The following PAPOLA variants were observed in gnomAD, a reference collection of about 807,000 sequenced individuals.
The protein encoded by PAPOLA is poly(A) polymerase alpha, also known as polynucleotide adenylyltransferase alpha.
A neutral mutation model predicts 100.6 loss-of-function variants in PAPOLA; 15 were observed. The ratio of observed to expected loss-of-function variants is 0.15; its 90% CI spans 0.10 to 0.23. PAPOLA has a LOEUF of 0.23. Ranked by LOEUF, PAPOLA falls within the 10% of genes least tolerant of loss-of-function variation. PAPOLA has a pLI of 1.00. For missense variants in PAPOLA, 533 were observed against 884.2 expected (o/e 0.60, Z 5.04); for synonymous variants, 293 against 300.0 (o/e 0.98, Z 0.24).
At chr14:96,519,192 T>G (rs1897735472) in intron 1 of PAPOLA, among the ~76,000 whole-genome samples, 1 of 151,690 alleles carries the variant, frequency 6.6e-6, no homozygotes, top group Admixed American at 6.6e-5. Flanking sequence ...CCTCCTGAAG[T>G]GCTGGGATTA....
chr14:96,536,624 C>A (rs1899555842), intron 11 of PAPOLA, among the ~76,000 whole-genome samples: 1 of 151,928 alleles, frequency 6.6e-6, no homozygotes, highest in Admixed American at 6.6e-5. Context: ...ATGCCTCTAT[C>A]CCTTTAGAAA....
chr14:96,509,219 A>G (rs542433415), intron 1 of PAPOLA, among the ~76,000 whole-genome samples: 1 of 152,092 alleles, frequency 6.6e-6, no homozygotes, highest in Non-Finnish European at 1.5e-5. Flanking sequence ...TTTTACTGTG[A>G]CAGGGTTTTG....
intron 16 of PAPOLA, among the ~76,000 whole-genome samples, chr14:96,549,731 C>T (rs1476613211): frequency 6.6e-6 from 1 of 152,206 alleles, no homozygotes; most frequent in East Asian, 1.9e-4. Flanking sequence ...TCAGCTAGAG[C>T]TTAGCCTCAG....
chr14:96,556,648 G>T (rs777611523), intron 19 of PAPOLA, among the ~76,000 whole-genome samples: 59 of 152,204 alleles, frequency 3.9e-4, no homozygotes, highest in Admixed American at 9.2e-4. Context: ...CTTCTTTAGT[G>T]TGTGTAGTTA....
intron 16 of PAPOLA, among the ~76,000 whole-genome samples, chr14:96,548,876 A>G (rs947595092): frequency 8.5e-5 from 13 of 152,214 alleles, no homozygotes; most frequent in Admixed American, 7.2e-4. Flanking sequence ...AAAACAATAT[A>G]TTATGATACA....
intron 9 of PAPOLA, chr14:96,533,505 C>G (rs1899223987): frequency 2.1e-6 from 2 of 932,658 alleles, no homozygotes; most frequent in Admixed American, 1.3e-4. Flanking sequence ...TTTAGTAGCA[C>G]TTATAATCAG....
At chr14:96,551,035 T>C (rs1900809450) in intron 16 of PAPOLA, among the ~76,000 whole-genome samples, 1 of 152,192 alleles carries the variant, frequency 6.6e-6, no homozygotes, top group Non-Finnish European at 1.5e-5. Context: ...TATGTGTGTG[T>C]GTTTCTTTCT....
intron 19 of PAPOLA, chr14:96,560,315 G>C: frequency 5.4e-6 from 1 of 186,204 alleles, no homozygotes; most frequent in Non-Finnish European, 1.1e-5. Flanking sequence ...ACTATGCCAA[G>C]TTCCTAAAGT....
In PAPOLA at chr14:96,566,078, G is replaced by A. The variant is rs559370684; in HGVS notation, c.*1028G>A. Reference sequence around the variant, plus strand: ...TGATATCTATCTGGGATGGCCATTTGATCTCTAAAAGGAATTTTGTACACT... The same window carrying A: ...TGATATCTATCTGGGATGGCCATTTAATCTCTAAAAGGAATTTTGTACACT... On this transcript the variant is annotated 3_prime_UTR_variant, in exon 22 of 22. Transcript: ENST00000216277. 3.0e-5 allele frequency: 12 copies of A among 395,250 alleles called. No homozygotes were observed. The highest frequency in any genetic ancestry group is 1.1e-4 in the East Asian group (3 of 28,020). 24.5% of individuals were successfully genotyped at this position (395,250 alleles called of 1,614,324 possible). A position where few individuals can be genotyped will look rare whatever the true frequency, so the allele number is the denominator to read the frequency against.
chr14:96,521,522 G>A (rs112873145), intron 3 of PAPOLA, among the ~76,000 whole-genome samples: 6 of 151,784 alleles, frequency 4.0e-5, no homozygotes, highest in African/African-American at 4.8e-5. Context: ...ACAGGGTCTC[G>A]CTCTGTCATT....
At chr14:96,504,135 G>C (rs1896544680) in intron 1 of PAPOLA, among the ~76,000 whole-genome samples, 1 of 152,168 alleles carries the variant, frequency 6.6e-6, no homozygotes, top group Non-Finnish European at 1.5e-5. Context: ...TGTTTGCAGT[G>C]ATGTCGTGAT....
chr14:96,550,826 A>G (rs77182026), intron 16 of PAPOLA, among the ~76,000 whole-genome samples: 2,137 of 152,322 alleles, frequency 0.014, 46 homozygotes, highest in African/African-American at 0.048. Context: ...GTCAAGATCT[A>G]TGAATGTTTT....
At chr14:96,515,942 TGTATGGTTCCAG>T (rs1897423400) in intron 1 of PAPOLA, among the ~76,000 whole-genome samples, 2 of 152,170 alleles carry the variant, frequency 1.3e-5, no homozygotes, top group Admixed American at 1.3e-4. Flanking sequence ...AGCTGTCTGG[TGTATGGTTCCAG>T]GAGAGTGTCA....
intron 3 of PAPOLA, 96 bp downstream of exon 3, chr14:96,521,168 G>T: frequency 1.4e-6 from 1 of 710,678 alleles, no homozygotes; most frequent in Non-Finnish European, 2.6e-6. Flanking sequence ...AGTGGATTTG[G>T]AGTCTTTAAT....
chr14:96,540,771 A>G (rs571798637), intron 12 of PAPOLA, among the ~76,000 whole-genome samples: 3 of 152,338 alleles, frequency 2.0e-5, no homozygotes, highest in East Asian at 3.9e-4. Flanking sequence ...AGTTAACTCC[A>G]TTGAACTTTA....
At chr14:96,563,985 A>T (rs1198505515) in intron 21 of PAPOLA, among the ~76,000 whole-genome samples, 4 of 152,004 alleles carry the variant, frequency 2.6e-5, no homozygotes, top group Admixed American at 2.6e-4. Flanking sequence ...AGATATTTTT[A>T]TGAGTGAGTA....
In PAPOLA at chr14:96,536,498, A is replaced by G. The variant is rs533385824; in HGVS notation, c.1031-478A>G. On this transcript the variant is annotated intron_variant, in intron 11 of 21. Coordinates refer to ENST00000216277, the MANE Select transcript of PAPOLA (RefSeq NM_032632.5). ...GGAACAGATTGGTTTGACTGAAAAC[A>G]GTAAAGGAAATAGAATCAGTTGTCT... Among the ~76,000 whole-genome samples the G allele has an allele frequency of 3.7e-4, 57 of 152,240 alleles. 1 individual carries two copies. In the South Asian group the frequency reaches 0.012, roughly 32 times the overall value.
At chr14:96,557,433 G>A (rs1017369574) in intron 19 of PAPOLA, among the ~76,000 whole-genome samples, 4 of 152,180 alleles carry the variant, frequency 2.6e-5, no homozygotes, top group South Asian at 2.1e-4. Context: ...CATTGATTTC[G>A]TATGAGTCTT....
intron 12 of PAPOLA, chr14:96,542,042 C>A (rs1187774524): frequency 5.4e-6 from 2 of 372,708 alleles, no homozygotes; most frequent in Non-Finnish European, 9.7e-6. Flanking sequence ...AAGTCACTGC[C>A]TTTTTCAGAA....
Sources: allele counts gnomAD v4.1 joint callset (sites outside exome capture counted in the v4.1 genomes callset), GRCh38; gene constraint gnomAD v4.1.1; transcripts MANE v1.5; gene names NCBI Gene and HGNC (gene_info 2026-07-23, HGNC 2026-07-21).